Variants in NIPA2 observed in about 807,000 individuals in gnomAD.
NIPA2 encodes NIPA magnesium transporter 2.
A neutral mutation model predicts 29.7 loss-of-function variants in NIPA2; 11 were observed. The observed-to-expected ratio is 0.37, with a 90% CI of 0.23 to 0.61. The LOEUF is 0.61. Among genes scored for constraint, NIPA2 ranks in the 20% least tolerant of loss-of-function variants. The pLI, the probability that NIPA2 is intolerant of heterozygous loss-of-function variation, is 0.66. For missense variants in NIPA2, 426 were observed against 437.9 expected, an observed-to-expected ratio of 0.97 and a Z score of 0.24; for synonymous variants, 183 against 161.9, an observed-to-expected ratio of 1.13 and a Z score of -0.99.
At chr15:22,852,969 C>G (rs886740102) in intron 4 of NIPA2, among the ~76,000 whole-genome samples, 2 of 152,132 alleles carry the variant, frequency 1.3e-5, no homozygotes, top group African/African-American at 4.8e-5. Flanking sequence ...CTGCTTGTTC[C>G]CCTAGTCCCT....
chr15:22,842,128 G>T (rs1286167596), intron 2 of NIPA2, among the ~76,000 whole-genome samples: 1 of 152,134 alleles, frequency 6.6e-6, no homozygotes, highest in Admixed American at 6.6e-5. Context: ...CCTCTAGCAG[G>T]AGATAACCCC....
chr15:22,858,513 G>A (rs992781252), intron 5 of NIPA2, 27 bp from the exon 6 acceptor site: 1 of 1,541,946 alleles, frequency 6.5e-7, no homozygotes, highest in South Asian at 1.2e-5. Flanking sequence ...TCTTACCTGA[G>A]TTTTTCTTTT....
chr15:22,859,020 A>C (rs2058416496), intron 6 of NIPA2, among the ~76,000 whole-genome samples: 2 of 152,002 alleles, frequency 1.3e-5, no homozygotes, highest in South Asian at 4.2e-4. Flanking sequence ...CTAAAAATAC[A>C]AAAATTAGCT....
intron 2 of NIPA2, among the ~76,000 whole-genome samples, chr15:22,844,762 A>G (rs948809451): frequency 2.0e-5 from 3 of 151,926 alleles, no homozygotes; most frequent in Admixed American, 1.3e-4. Context: ...AAAAACCACA[A>G]CAACAACAAC....
At chr15:22,853,477 G>A (rs910529559) in intron 5 of NIPA2, among the ~76,000 whole-genome samples, 4 of 151,030 alleles carry the variant, frequency 2.6e-5, no homozygotes, top group Middle Eastern at 3.2e-3. Flanking sequence ...GGATTCAAGC[G>A]ATTCTCCTGC....
In NIPA2 at chr15:22,845,557, G is replaced by C. The variant is rs183122809; in HGVS notation, c.-94+290G>C. Among the ~76,000 whole-genome samples, 82 of 152,298 alleles carry C rather than the reference G, an allele frequency of 5.4e-4. No homozygotes were observed. The East Asian group carries it at 0.01, about 19-fold the overall frequency. ...ACTTAAAGAGTTTACCTTGAAGATA[G>C]AACAGTAGTTGAGAATTAAATAGTA... On this transcript the variant is annotated intron_variant, in intron 3 of 7. Transcript: ENST00000337451.
In NIPA2 at chr15:22,866,760, T is replaced by C; in HGVS notation, c.996T>C (p.Asn332=). 1.2e-6 allele frequency: 2 copies of C among 1,613,798 alleles called. No individual in the cohort carries two copies. The highest frequency in any genetic ancestry group is 1.1e-5 in the South Asian group (1 of 90,994). The change falls in exon 8 of 8, where the codon AAT becomes AAC. Residue 332 remains asparagine (N), a synonymous_variant. Coordinates refer to ENST00000337451, the MANE Select transcript of NIPA2 (RefSeq NM_030922.7). ...GNLSNMYEVL[N]NNEESLTCGI... is the part of the protein sequence containing the mutation. ...TCTCTAATATGTATGAAGTTCTTAA[T>C]AATAATGAAGAAAGCTTAACCTGTG...
At chr15:22,858,945 A>G (rs958532549) in intron 6 of NIPA2, among the ~76,000 whole-genome samples, 1 of 152,180 alleles carries the variant, frequency 6.6e-6, no homozygotes, top group African/African-American at 2.4e-5. Flanking sequence ...TGGGAGGCCA[A>G]GACGGGTGGA....
rs60709797 is a variant in NIPA2 at position 22,868,079 on chromosome 15, G to C, written c.*1232G>C. On this transcript the variant is annotated 3_prime_UTR_variant, in exon 8 of 8. Coordinates refer to ENST00000337451, the MANE Select transcript of NIPA2 (RefSeq NM_030922.7). ...GGAGGTTACCCAGTGGTGCGCCAGC[G>C]CCAAGCCATCACTCCCCGAGGGCCT... 6.6e-6 allele frequency: 1 copy of C among 152,162 alleles called. No individual in the cohort carries two copies. The highest frequency in any genetic ancestry group is 2.4e-5 in the African/African-American group (1 of 41,408). 9.4% of individuals were successfully genotyped at this position (152,162 alleles called of 1,614,324 possible).
At chr15:22,857,836 CAAAAAAAAAAA>C (rs60523225) in intron 5 of NIPA2, among the ~76,000 whole-genome samples, 86 of 68,790 alleles carry the variant, frequency 1.3e-3, no homozygotes, top group African/African-American at 4.2e-3. Context: ...GACTCCATCT[CAAAAAAAAAAA>C]AAAAAAAAAA....
intron 2 of NIPA2, among the ~76,000 whole-genome samples, chr15:22,842,600 A>G: frequency 6.6e-6 from 1 of 151,852 alleles, no homozygotes; most frequent in African/African-American, 2.4e-5. Context: ...AGGCCGAGGC[A>G]GAAGGATCAC....
chr15:22,857,130 C>T (rs2058236609), intron 5 of NIPA2, among the ~76,000 whole-genome samples: 2 of 152,192 alleles, frequency 1.3e-5, no homozygotes, highest in African/African-American at 4.8e-5. Context: ...TGTCTTCCCT[C>T]ACTAAAAGTT....
intron 3 of NIPA2, 75 bp from the exon 4 acceptor site, chr15:22,851,564 G>T (rs1203242517): frequency 1.9e-5 from 8 of 412,590 alleles, no homozygotes; most frequent in Non-Finnish European, 3.0e-5. Flanking sequence ...GAAGAGAAAT[G>T]GAGTAAAATT....
At position 22,867,021 on chromosome 15, in the gene NIPA2, A is replaced by G. The variant is rs1417786841; in HGVS notation, c.*174A>G. The G allele has an allele frequency of 1.6e-6, 1 of 609,632 alleles. No homozygotes were observed. Among genetic ancestry groups the G allele is most frequent in the East Asian group, 2.8e-5 (1 of 35,098 alleles). 37.8% of individuals were successfully genotyped at this position (609,632 alleles called of 1,614,324 possible). A position where few individuals can be genotyped will look rare whatever the true frequency, so the allele number is the denominator to read the frequency against. ...TTCTTGTATTTAAACAAACAATGGTAGCTCACTAAAATGACCTCAGCACAT... is the reference window on the plus strand; with the variant it reads ...TTCTTGTATTTAAACAAACAATGGTGGCTCACTAAAATGACCTCAGCACAT... On this transcript the variant is annotated 3_prime_UTR_variant, in exon 8 of 8. Coordinates refer to ENST00000337451, the MANE Select transcript of NIPA2 (RefSeq NM_030922.7).
intron 2 of NIPA2, among the ~76,000 whole-genome samples, chr15:22,841,775 G>A (rs1897157213): frequency 6.6e-6 from 1 of 152,134 alleles, no homozygotes; most frequent in African/African-American, 2.4e-5. Flanking sequence ...CCAAAGTGCT[G>A]GGATTATAGG....
rs1291446463 is a variant in NIPA2 at position 22,839,656 on chromosome 15, C to G, written c.-350C>G. The G allele has an allele frequency of 1.3e-5, 2 of 152,106 alleles. No homozygotes were observed. The highest frequency in any genetic ancestry group is 4.8e-5 in the African/African-American group (2 of 41,402). 9.4% of individuals were successfully genotyped at this position (152,106 alleles called of 1,614,324 possible). On this transcript the variant is annotated splice_region_variant and 5_prime_UTR_variant, in exon 2 of 8. Transcript: ENST00000337451. Reference sequence around the variant, plus strand: ...ACTTCTGTGTTTTCTTCTTTCTAGGCTGGAGCTACTCGGCCAGGGTTTAAG... The same window carrying G: ...ACTTCTGTGTTTTCTTCTTTCTAGGGTGGAGCTACTCGGCCAGGGTTTAAG...
chr15:22,856,925 A>C (rs1170903189), intron 5 of NIPA2, among the ~76,000 whole-genome samples: 1 of 152,208 alleles, frequency 6.6e-6, no homozygotes, highest in African/African-American at 2.4e-5. Flanking sequence ...AGGATTCCTC[A>C]GTAGCTTTTC....
chr15:22,852,274 C>G (rs2057808080), intron 4 of NIPA2, among the ~76,000 whole-genome samples: 1 of 152,078 alleles, frequency 6.6e-6, no homozygotes, highest in Admixed American at 6.6e-5. Context: ...CGAGACCAGC[C>G]TGGCAAACAT....
chr15:22,861,672 C>T (rs1485391509), intron 7 of NIPA2, among the ~76,000 whole-genome samples: 6 of 152,152 alleles, frequency 3.9e-5, no homozygotes, highest in Non-Finnish European at 7.4e-5. Flanking sequence ...TCTTTCCCCA[C>T]AGTGTCTGAA....
Sources: gnomAD v4.1 joint callset for allele counts (sites outside exome capture counted in the v4.1 genomes callset) on GRCh38, gnomAD v4.1.1 for gene constraint, MANE v1.5 for transcripts, NCBI Gene and HGNC (gene_info 2026-07-23, HGNC 2026-07-21) for gene names.